NCOA1: variants seen among roughly 807,000 people sequenced by gnomAD.
The protein encoded by NCOA1 is nuclear receptor coactivator 1.
NCOA1 carries 35 observed loss-of-function variants against 150.9 expected under a neutral mutation model. The observed-to-expected ratio is 0.23, with a 90% CI of 0.18 to 0.31. The LOEUF (loss-of-function observed/expected upper bound fraction) is 0.31, where lower values mean the gene tolerates loss of function less well. NCOA1 is among the 10% of genes least tolerant of loss of function. The pLI, the probability that NCOA1 is intolerant of heterozygous loss-of-function variation, is 1.00. For missense variants in NCOA1, 1,491 were observed against 1,749.3 expected, an observed-to-expected ratio of 0.85 and a Z score of 2.63; for synonymous variants, 590 against 630.0, an observed-to-expected ratio of 0.94 and a Z score of 0.95.
At position 24,770,142 on chromosome 2, in the gene NCOA1, A is replaced by G. The variant is rs1282589101; in HGVS notation, c.*1751A>G. ...AGAAATAGGACACTCAGTTACAAAC[A>G]TTATCTCCTTTAGTTTTTCAGAAAA... On this transcript the variant is annotated 3_prime_UTR_variant, in exon 23 of 23. Transcript: ENST00000348332. The G allele has an allele frequency of 4.3e-6, 1 of 231,418 alleles. No homozygotes were observed. Among genetic ancestry groups the G allele is most frequent in the Non-Finnish European group, 8.6e-6 (1 of 116,724 alleles). 14.3% of individuals were successfully genotyped at this position (231,418 alleles called of 1,614,324 possible).
At chr2:24,629,813 C>CATATATATATATATATAT (rs1356211925) in intron 3 of NCOA1, among the ~76,000 whole-genome samples, 47 of 77,316 alleles carry the variant, frequency 6.1e-4, no homozygotes, top group African/African-American at 1.9e-3. Flanking sequence ...AAGTAACATA[C>CATATATATATATATATAT]ATACATATAT....
At chr2:24,587,299 A>G (rs1190400050) in intron 3 of NCOA1, among the ~76,000 whole-genome samples, 1 of 151,968 alleles carries the variant, frequency 6.6e-6, no homozygotes, top group East Asian at 1.9e-4. Flanking sequence ...AAAAAAAAAT[A>G]GTAAACTCAC....
intron 21 of NCOA1, among the ~76,000 whole-genome samples, chr2:24,759,187 A>G (rs1469840281): frequency 6.6e-6 from 1 of 152,258 alleles, no homozygotes; most frequent in East Asian, 1.9e-4. Flanking sequence ...GGATCATTTT[A>G]ATCATAGGAC....
chr2:24,568,415 A>G (rs1666600583), intron 2 of NCOA1, among the ~76,000 whole-genome samples: 2 of 152,172 alleles, frequency 1.3e-5, no homozygotes, highest in South Asian at 2.1e-4. Context: ...ATTCCCTGCT[A>G]CAGTTTTTTT....
chr2:24,689,516 C>G (rs1191789880), intron 8 of NCOA1, among the ~76,000 whole-genome samples: 1 of 152,130 alleles, frequency 6.6e-6, no homozygotes, highest in East Asian at 1.9e-4. Flanking sequence ...TCCCAAGTAG[C>G]TGGGACAACT....
chr2:24,741,559 G>A (rs920504266), intron 18 of NCOA1, among the ~76,000 whole-genome samples: 4 of 152,108 alleles, frequency 2.6e-5, no homozygotes, highest in Non-Finnish European at 4.4e-5. Context: ...ATATTGTTTA[G>A]CATTTCTTGA....
At chr2:24,654,469 A>G (rs866215259) in intron 4 of NCOA1, among the ~76,000 whole-genome samples, 2 of 152,346 alleles carry the variant, frequency 1.3e-5, no homozygotes, top group Middle Eastern at 6.8e-3. Context: ...TTGAGGTGAC[A>G]GTGGGATATC....
intron 8 of NCOA1, among the ~76,000 whole-genome samples, chr2:24,688,281 A>G (rs1411421652): frequency 6.6e-6 from 1 of 152,190 alleles, no homozygotes; most frequent in Non-Finnish European, 1.5e-5. Flanking sequence ...GTAATGAGAT[A>G]TTTGGGTTAA....
In NCOA1 at chr2:24,638,464, A is replaced by G. The variant is rs1192207334; in HGVS notation, c.-174-5502A>G. On this transcript the variant is annotated intron_variant, in intron 3 of 22. Coordinates refer to ENST00000348332, the MANE Select transcript of NCOA1 (RefSeq NM_003743.5). ...ACATGGTAGTGCAGACGTCTCTTCA[A>G]TAATACTGATTTCCTTTTATTTACC... Among the ~76,000 whole-genome samples, 6 of 152,082 alleles carry G rather than the reference A, an allele frequency of 3.9e-5. No homozygotes were observed. The South Asian group carries it at 6.2e-4, about 16-fold the overall frequency.
chr2:24,669,512 A>T (rs1260108737), intron 6 of NCOA1, among the ~76,000 whole-genome samples: 1 of 152,200 alleles, frequency 6.6e-6, no homozygotes. Context: ...AATGTTAGAT[A>T]TTTTGCACGT....
chr2:24,524,310 T>C (rs1371985849), intron 1 of NCOA1, among the ~76,000 whole-genome samples: 3 of 152,194 alleles, frequency 2.0e-5, no homozygotes, highest in Non-Finnish European at 4.4e-5. Flanking sequence ...TTTACTTTGT[T>C]TTTTAGACAG....
chr2:24,523,654 A>T (rs1664527006), intron 1 of NCOA1, among the ~76,000 whole-genome samples: 1 of 112,690 alleles, frequency 8.9e-6, no homozygotes, highest in South Asian at 3.2e-4. Flanking sequence ...TTGGCCAGCC[A>T]CGGTGGCTCA....
intron 4 of NCOA1, among the ~76,000 whole-genome samples, chr2:24,653,414 T>C (rs912990619): frequency 6.6e-6 from 1 of 152,182 alleles, no homozygotes; most frequent in Non-Finnish European, 1.5e-5. Flanking sequence ...AGAAATTTCA[T>C]GTTTCTCAAT....
At chr2:24,576,532 G>A (rs1666998969) in intron 2 of NCOA1, among the ~76,000 whole-genome samples, 1 of 152,002 alleles carries the variant, frequency 6.6e-6, no homozygotes, top group African/African-American at 2.4e-5. Context: ...TGCTCTGACT[G>A]GTATCTAATA....
intron 21 of NCOA1, among the ~76,000 whole-genome samples, chr2:24,758,819 A>G (rs1158268336): frequency 1.7e-5 from 2 of 120,338 alleles, no homozygotes; most frequent in Non-Finnish European, 3.5e-5. Flanking sequence ...TGTCTCTACT[A>G]AAAAAAAAAC....
intron 3 of NCOA1, among the ~76,000 whole-genome samples, chr2:24,639,299 A>AT (rs1572526297): frequency 6.6e-6 from 1 of 151,958 alleles, no homozygotes; most frequent in African/African-American, 2.4e-5. Flanking sequence ...AAAAAAATTA[A>AT]TTTTTTGAGA....
intron 17 of NCOA1, among the ~76,000 whole-genome samples, chr2:24,736,093 T>C (rs1044211235): frequency 1.3e-5 from 2 of 151,834 alleles, no homozygotes; most frequent in African/African-American, 4.8e-5. Context: ...TGGTGGCACA[T>C]GCCTGTAATC....
intron 3 of NCOA1, among the ~76,000 whole-genome samples, chr2:24,586,634 T>A (rs1667424111): frequency 6.6e-6 from 1 of 152,166 alleles, no homozygotes; most frequent in African/African-American, 2.4e-5. Flanking sequence ...GTTTTTGTTT[T>A]TGTATAGACA....
chr2:24,551,925 AC>A (rs1200233619), intron 1 of NCOA1, among the ~76,000 whole-genome samples: 2 of 152,076 alleles, frequency 1.3e-5, no homozygotes, highest in African/African-American at 4.8e-5. Flanking sequence ...CTATTGAGTT[AC>A]CCTGGTACTT....
Sources: allele counts gnomAD v4.1 joint callset (sites outside exome capture counted in the v4.1 genomes callset), GRCh38; gene constraint gnomAD v4.1.1; transcripts MANE v1.5; gene names NCBI Gene and HGNC (gene_info 2026-07-23, HGNC 2026-07-21).